MAGI3: variants seen among roughly 807,000 people sequenced by gnomAD.
The protein encoded by MAGI3 is membrane associated guanylate kinase, WW and PDZ domain containing 3.
MAGI3 carries 43 observed loss-of-function variants against 121.8 expected under a neutral mutation model. That is an observed-to-expected ratio of 0.35 (90% CI 0.28 to 0.46). The LOEUF (loss-of-function observed/expected upper bound fraction) is 0.46. MAGI3 is among the 20% of genes least tolerant of loss of function. MAGI3 has a pLI of 1.00. For synonymous variants in MAGI3, 553 were observed against 639.3 expected (o/e 0.86, Z 2.04); for missense variants, 1,547 against 1,797.3 (o/e 0.86, Z 2.52).
chr1:113,680,325 T>C (rs958306445), intron 19 of MAGI3, among the ~76,000 whole-genome samples: 2 of 152,180 alleles, frequency 1.3e-5, no homozygotes, highest in Non-Finnish European at 2.9e-5. Flanking sequence ...GATTGTTGTT[T>C]GTAAAATGTC....
Position 113,590,766 on chromosome 1 carries a change from T to G in MAGI3, c.938+108T>G. Reference sequence around the variant, plus strand: ...CATACCTTTTTCAGAAGACTCATTTTTTTTCTTTCTTTAAAAATATTTTTC... The same window carrying G: ...CATACCTTTTTCAGAAGACTCATTTGTTTTCTTTCTTTAAAAATATTTTTC... On this transcript the variant is annotated intron_variant, in intron 5 of 20. Coordinates refer to ENST00000307546, the MANE Select transcript of MAGI3 (RefSeq NM_001142782.2). The G allele has an allele frequency of 3.0e-6, 3 of 990,912 alleles. No individual in the cohort carries two copies. In the East Asian group the frequency reaches 8.3e-5, roughly 27 times the overall value. 61.4% of individuals were successfully genotyped at this position (990,912 alleles called of 1,614,324 possible).
At chr1:113,484,524 T>C (rs1043704150) in intron 1 of MAGI3, among the ~76,000 whole-genome samples, 2 of 152,156 alleles carry the variant, frequency 1.3e-5, no homozygotes, top group Non-Finnish European at 2.9e-5. Context: ...CCTGGGTTAC[T>C]TCACTTAGAA....
chr1:113,641,006 AAT>A lies in MAGI3; in HGVS notation c.1361-898_1361-897del, dbSNP rs1255286771. Among the ~76,000 whole-genome samples the A allele has an allele frequency of 1.1e-4, 6 of 52,912 alleles. No homozygotes were observed. In the East Asian group the frequency reaches 1.5e-3, roughly 13 times the overall value. The allele number at this position is 52,912 out of a possible 152,430, so 34.7% of individuals were successfully genotyped here. The stretch of plus-strand genomic sequence containing the variant: ...TATATACACTATATATGATATATAT[AAT>A]ATATATGATATATAATATATATGAT... On this transcript the variant is annotated intron_variant, in intron 9 of 20. Transcript: ENST00000307546.
chr1:113,530,283 T>A (rs1170664536), intron 1 of MAGI3, among the ~76,000 whole-genome samples: 1 of 151,878 alleles, frequency 6.6e-6, no homozygotes, highest in African/African-American at 2.4e-5. Context: ...GCAAACATTT[T>A]TGTGTCTGAT....
At chr1:113,426,059 A>C (rs537755978) in intron 1 of MAGI3, among the ~76,000 whole-genome samples, 1 of 152,292 alleles carries the variant, frequency 6.6e-6, no homozygotes, top group Non-Finnish European at 1.5e-5. Context: ...TCCTGTCAGC[A>C]CTGCTTTAGC....
chr1:113,618,016 G>A (rs1650582239), intron 7 of MAGI3, among the ~76,000 whole-genome samples: 1 of 152,020 alleles, frequency 6.6e-6, no homozygotes, highest in African/African-American at 2.4e-5. Flanking sequence ...TGAGTGACAT[G>A]GAGAAAGCTA....
chr1:113,432,795 C>T (rs1557754164), intron 1 of MAGI3, among the ~76,000 whole-genome samples: 1 of 151,632 alleles, frequency 6.6e-6, no homozygotes, highest in Non-Finnish European at 1.5e-5. Context: ...AGAATTGTAC[C>T]CTGTAACCAT....
chr1:113,446,132 A>G (rs1481024706), intron 1 of MAGI3, among the ~76,000 whole-genome samples: 2 of 151,994 alleles, frequency 1.3e-5, no homozygotes, highest in African/African-American at 2.4e-5. Flanking sequence ...GTAACTCCAC[A>G]TTTTTTTTCT....
At chr1:113,426,919 CT>C (rs953192234) in intron 1 of MAGI3, among the ~76,000 whole-genome samples, 21 of 151,638 alleles carry the variant, frequency 1.4e-4, no homozygotes, top group Non-Finnish European at 2.2e-4. Flanking sequence ...TAACTCTGCC[CT>C]TTTATTACTC....
intron 16 of MAGI3, among the ~76,000 whole-genome samples, chr1:113,663,235 A>AATATAT (rs3081634): frequency 0.067 from 9,692 of 143,812 alleles, 356 homozygotes; most frequent in Middle Eastern, 0.11. Flanking sequence ...CAAAAACAGA[A>AATATAT]ATATATATAT....
intron 6 of MAGI3, among the ~76,000 whole-genome samples, chr1:113,610,165 G>T (rs1168203084): frequency 6.6e-6 from 1 of 151,984 alleles, no homozygotes; most frequent in Admixed American, 6.6e-5. Context: ...ACAGAGTCTT[G>T]CACTGTTGCC....
At position 113,673,304 on chromosome 1, in the gene MAGI3, A is replaced by T; in HGVS notation, c.3046-18A>T. ...CAGTCCATGAGAACTTGCTTTTCTT[A>T]TACTTCTTTCTCTCTAGAACCTTGG... On this transcript the variant is annotated intron_variant, in intron 18 of 20. Transcript: ENST00000307546. 1 of 1,605,216 alleles carries T rather than the reference A, an allele frequency of 6.2e-7. No individual in the cohort carries two copies. Among genetic ancestry groups the T allele is most frequent in the East Asian group, 2.2e-5 (1 of 44,740 alleles).
In MAGI3 at chr1:113,493,263, C is replaced by CA. The variant is rs1315926861; in HGVS notation, c.317-56249dup. 2.6e-5 allele frequency among the ~76,000 whole-genome samples: 4 copies of CA among 152,178 alleles called. No individual in the cohort carries two copies. In the East Asian group the frequency reaches 7.7e-4, roughly 29 times the overall value. On this transcript the variant is annotated intron_variant, in intron 1 of 20. Transcript: ENST00000307546. ...ACACCTACAACTATCTGATCTTCAA[C>CA]AAACCTGACACAAACAAGCAATGGG...
intron 9 of MAGI3, among the ~76,000 whole-genome samples, chr1:113,632,002 T>C (rs1489339383): frequency 6.6e-6 from 1 of 152,198 alleles, no homozygotes; most frequent in African/African-American, 2.4e-5. Context: ...CTTTTTGCAG[T>C]GTTTGCTAGA....
intron 1 of MAGI3, among the ~76,000 whole-genome samples, chr1:113,430,712 G>A (rs781377197): frequency 6.6e-6 from 1 of 152,110 alleles, no homozygotes; most frequent in African/African-American, 2.4e-5. Context: ...ACATTTAAAT[G>A]TCTTTGATTT....
At chr1:113,468,115 A>G (rs1288793504) in intron 1 of MAGI3, among the ~76,000 whole-genome samples, 1 of 152,090 alleles carries the variant, frequency 6.6e-6, no homozygotes, top group Non-Finnish European at 1.5e-5. Flanking sequence ...GTTTCTTTAT[A>G]GGTGCTAAGT....
intron 1 of MAGI3, among the ~76,000 whole-genome samples, chr1:113,455,930 C>T (rs187985815): frequency 2.6e-4 from 40 of 151,738 alleles, no homozygotes; most frequent in African/African-American, 8.7e-4. Flanking sequence ...GTCAAATAAC[C>T]TCTTCCGTTT....
intron 2 of MAGI3, among the ~76,000 whole-genome samples, chr1:113,571,690 G>T (rs1375834578): frequency 6.6e-6 from 1 of 152,102 alleles, no homozygotes; most frequent in South Asian, 2.1e-4. Context: ...TTGGCTCTCT[G>T]TTTGCCTATC....
intron 4 of MAGI3, among the ~76,000 whole-genome samples, chr1:113,588,995 G>A (rs1648544776): frequency 6.6e-6 from 1 of 152,158 alleles, no homozygotes. Flanking sequence ...GCAGGAAGGA[G>A]AGTGAAAGAA....
Sources: allele counts gnomAD v4.1 joint callset (sites outside exome capture counted in the v4.1 genomes callset), GRCh38; gene constraint gnomAD v4.1.1; transcripts MANE v1.5; gene names NCBI Gene and HGNC (gene_info 2026-07-23, HGNC 2026-07-21).